The following WDR86 variants were observed in gnomAD, a reference collection of about 807,000 sequenced individuals.
WDR86 encodes the protein WD repeat domain 86.
WDR86 carries 30 observed loss-of-function variants against 36.5 expected under a neutral mutation model. The observed-to-expected ratio is 0.82, with a 90% CI of 0.61 to 1.11. The LOEUF (loss-of-function observed/expected upper bound fraction) is 1.11. Among genes scored for constraint, WDR86 ranks in the 50% most tolerant of loss-of-function variants. The probability of loss-of-function intolerance (pLI) is 0.00; values close to 1 mark genes in which losing one functional copy is unlikely to be tolerated. For missense variants in WDR86, 545 were observed against 561.2 expected (o/e 0.97, Z 0.29); for synonymous variants, 255 against 252.9 (o/e 1.01, Z -0.08).
chr7:151,369,674 C>T, the WDR86 span, among the ~76,000 whole-genome samples: 4 of 152,118 alleles, frequency 2.6e-5, no homozygotes, highest in African/African-American at 7.2e-5. Context: ...GTCTAGAGGG[C>T]GGTCATGGTG....
chr7:151,393,339 C>G (rs1799576627), intron 3 of WDR86, among the ~76,000 whole-genome samples: 1 of 152,140 alleles, frequency 6.6e-6, no homozygotes, highest in Non-Finnish European at 1.5e-5. Context: ...TCTCCGCACT[C>G]TCTCCTTTAG....
At position 151,409,882 on chromosome 7, in the gene WDR86, G is replaced by A. The variant is rs1801085413; in HGVS notation, c.-293C>T. The A allele has an allele frequency of 8.6e-7, 1 of 1,159,380 alleles. No homozygotes were observed. The highest frequency in any genetic ancestry group is 1.1e-6 in the Non-Finnish European group (1 of 941,902). The allele number at this position is 1,159,380 out of a possible 1,614,324, so 71.8% of individuals were successfully genotyped here. A position where few individuals can be genotyped will look rare whatever the true frequency, so the allele number is the denominator to read the frequency against. On this transcript the variant is annotated 5_prime_UTR_variant, in exon 1 of 6. Coordinates refer to ENST00000334493, the MANE Select transcript of WDR86 (RefSeq NM_198285.3). This position sits in a 1 kb window ranked among gnomAD's most constrained non-coding sequence, Gnocchi z 5.2. Reference sequence around the variant, plus strand: ...GAGAACCCCCTTCCCAGCACCGCTCGGAGGATCCACACCCCACCGGGCGAA... The same window carrying A: ...GAGAACCCCCTTCCCAGCACCGCTCAGAGGATCCACACCCCACCGGGCGAA...
At chr7:151,385,247 CGGCAGCTGG>C (rs1252422061) in intron 3 of WDR86, 24 bp from the exon 4 acceptor site, 1 of 1,608,180 alleles carries the variant, frequency 6.2e-7, no homozygotes, top group Non-Finnish European at 8.5e-7. Context: ...CAGGGAAGGT[CGGCAGCTGG>C]GGCAGCTCTG....
In WDR86 at chr7:151,390,415, G is replaced by A. The variant is rs960196068; in HGVS notation, c.727-5192C>T. On this transcript the variant is annotated intron_variant, in intron 3 of 5. Transcript: ENST00000334493. The surrounding 1 kb of genome is among the most constrained non-coding windows in gnomAD (Gnocchi z 4.5). ...AGGAAGCCTCCGGAAGTTGCACAGC[G>A]TCCTGACGCTGTGGGCAGAGGGGAT... Among the ~76,000 whole-genome samples the A allele has an allele frequency of 1.3e-5, 2 of 152,198 alleles. No homozygotes were observed. Among genetic ancestry groups the A allele is most frequent in the East Asian group, 1.9e-4 (1 of 5,186 alleles).
chr7:151,376,395 C>A, downstream of WDR86: 1 of 529,474 alleles, frequency 1.9e-6, no homozygotes, highest in East Asian at 3.1e-5. Context: ...GCTCTCAGCC[C>A]GAGGTCACTG....
chr7:151,402,094 T>TCC (rs1245009476), intron 1 of WDR86, among the ~76,000 whole-genome samples: 8 of 118,588 alleles, frequency 6.7e-5, no homozygotes, highest in African/African-American at 2.7e-4. Context: ...TATATATATC[T>TCC]CCACAAATGT....
At chr7:151,378,902 A>G (rs1798436194), downstream of WDR86, among the ~76,000 whole-genome samples, 1 of 152,202 alleles carries the variant, frequency 6.6e-6, no homozygotes, top group African/African-American at 2.4e-5. Flanking sequence ...TCTTGTGAAG[A>G]GAGAGCCGCA....
At chr7:151,383,581 T>A (rs774063631) in intron 4 of WDR86, among the ~76,000 whole-genome samples, 1 of 152,180 alleles carries the variant, frequency 6.6e-6, no homozygotes, top group African/African-American at 2.4e-5. Context: ...CTTCCCAAAG[T>A]GCTGGGATTA....
At chr7:151,402,070 A>AAAAAAAAAATATATAT in intron 1 of WDR86, among the ~76,000 whole-genome samples, 4 of 50,534 alleles carry the variant, frequency 7.9e-5, no homozygotes, top group African/African-American at 1.2e-4. Context: ...AAAAAAAAAA[A>AAAAAAAAAATATATAT]ATATATATAT....
rs750250622 is a variant in WDR86 at position 151,400,087 on chromosome 7, C to T, written c.305+13G>A. ...TATGGTGAGACTCAGCCCAAGCCCC[C>T]AGCCAGGCTGACCTGTTCACGATGG... On this transcript the variant is annotated intron_variant, in intron 2 of 5. Transcript: ENST00000334493. 5.2e-6 allele frequency: 8 copies of T among 1,552,960 alleles called. No individual in the cohort carries two copies. The East Asian group carries it at 1.2e-4, about 23-fold the overall frequency.
chr7:151,400,897 G>C (rs1387419763), intron 1 of WDR86, among the ~76,000 whole-genome samples: 2 of 152,208 alleles, frequency 1.3e-5, no homozygotes, highest in African/African-American at 4.8e-5. Flanking sequence ...TTCCCCTGTA[G>C]AGAGCACGTG....
chr7:151,388,267 T>A lies in WDR86; in HGVS notation c.727-3044A>T, dbSNP rs970930224. Reference sequence around the variant, plus strand: ...CTATCTGATTTCAAAACTGGGTGCATAGGTGTCTGTTTTAGTTATTTTTTA... The same window carrying A: ...CTATCTGATTTCAAAACTGGGTGCAAAGGTGTCTGTTTTAGTTATTTTTTA... On this transcript the variant is annotated intron_variant, in intron 3 of 5. Coordinates refer to ENST00000334493, the MANE Select transcript of WDR86 (RefSeq NM_198285.3). This position sits in a 1 kb window ranked among gnomAD's most constrained non-coding sequence, Gnocchi z 4.2. 6.6e-6 allele frequency among the ~76,000 whole-genome samples: 1 copy of A among 152,278 alleles called. No individual in the cohort carries two copies. The highest frequency in any genetic ancestry group is 1.9e-4 in the East Asian group (1 of 5,208).
intron 3 of WDR86, among the ~76,000 whole-genome samples, chr7:151,393,284 G>A (rs1436592411): frequency 2.0e-5 from 3 of 152,162 alleles, no homozygotes; most frequent in Admixed American, 6.5e-5. Context: ...GAGTGTGTGC[G>A]CCTATGCCTG....
chr7:151,394,101 C>T (rs1016039372), intron 3 of WDR86, among the ~76,000 whole-genome samples: 1 of 152,134 alleles, frequency 6.6e-6, no homozygotes, highest in Admixed American at 6.5e-5. Flanking sequence ...GAGATGGGCC[C>T]GGACTGCTGT....
intron 1 of WDR86, among the ~76,000 whole-genome samples, chr7:151,402,565 A>C (rs1347861428): frequency 1.3e-5 from 2 of 152,122 alleles, no homozygotes; most frequent in East Asian, 1.9e-4. Context: ...GAAGAGGGTG[A>C]CTCGGTGCCC....
rs1307113837 is a variant in WDR86, at chr7:151,400,127, T to G, written c.278A>C (p.Tyr93Ser). The change falls in exon 2 of 6, where the codon TAC becomes TCC. Residue 93 changes from tyrosine (Y) to serine (S), a missense_variant. Transcript: ENST00000334493. ...DVLTGQCLQV[Y>S]RGHTSIVNRI... ...GTTCACGATGGACGTGTGTCCTCGG[T>G]ACACCTGCAGACACTGCCCGGTCAG... The G allele has an allele frequency of 6.2e-7, 1 of 1,609,280 alleles. No individual in the cohort carries two copies.
intron 4 of WDR86, among the ~76,000 whole-genome samples, chr7:151,384,571 T>C (rs1038915453): frequency 6.6e-6 from 1 of 152,006 alleles, no homozygotes; most frequent in East Asian, 1.9e-4. Context: ...CGAAGAAGAG[T>C]GACAGAAGAA....
At chr7:151,397,840 C>T (rs1799977816) in intron 2 of WDR86, among the ~76,000 whole-genome samples, 2 of 108,538 alleles carry the variant, frequency 1.8e-5, no homozygotes, top group African/African-American at 8.1e-5. Context: ...GGAGGAAGGG[C>T]ATAGCGGGAG....
intron 3 of WDR86, among the ~76,000 whole-genome samples, chr7:151,394,127 C>T (rs759631482): frequency 2.0e-4 from 31 of 152,210 alleles, no homozygotes; most frequent in African/African-American, 7.2e-4. Context: ...TTCCCCACGA[C>T]GAGCTGCTCT....
Sources: allele counts gnomAD v4.1 joint callset (sites outside exome capture counted in the v4.1 genomes callset), GRCh38; gene constraint gnomAD v4.1.1; non-coding constraint Gnocchi (gnomAD v3.1); transcripts MANE v1.5; gene names NCBI Gene and HGNC (gene_info 2026-07-23, HGNC 2026-07-21).